The following PIWIL4 variants were observed in gnomAD, a reference collection of about 807,000 sequenced individuals.
The protein encoded by PIWIL4 is piwi like RNA-mediated gene silencing 4.
A neutral mutation model predicts 100.9 loss-of-function variants in PIWIL4; 50 were observed. The ratio of observed to expected loss-of-function variants is 0.50; its 90% CI spans 0.39 to 0.63. The LOEUF is 0.63. PIWIL4 is among the 20% of genes least tolerant of loss of function. The probability of loss-of-function intolerance (pLI) is 0.00; values close to 1 mark genes in which losing one functional copy is unlikely to be tolerated. For missense variants in PIWIL4, 887 were observed against 1,043.3 expected (o/e 0.85, Z 2.06); for synonymous variants, 342 against 367.5 (o/e 0.93, Z 0.79).
chr11:94,569,612 A>G (rs999642206), intron 2 of PIWIL4, among the ~76,000 whole-genome samples: 2 of 152,226 alleles, frequency 1.3e-5, no homozygotes, highest in Non-Finnish European at 2.9e-5. Context: ...TCCTGACCTC[A>G]GGTGATCTGC....
chr11:94,603,850 GTTA>G, intron 12 of PIWIL4, 131 bp from the exon 13 acceptor site: 1 of 574,810 alleles, frequency 1.7e-6, no homozygotes, highest in Non-Finnish European at 3.0e-6. Context: ...GACTCAAAAG[GTTA>G]TTTTCTCTAA....
intron 19 of PIWIL4, 57 bp downstream of exon 19, chr11:94,620,201 A>C (rs1323569736): frequency 6.7e-7 from 1 of 1,490,592 alleles, no homozygotes. Context: ...CCACCTAGGA[A>C]TTATCATACA....
intron 16 of PIWIL4, among the ~76,000 whole-genome samples, chr11:94,617,180 T>G (rs1189179763): frequency 2.0e-5 from 3 of 151,858 alleles, no homozygotes; most frequent in Non-Finnish European, 4.4e-5. Flanking sequence ...AAAATGAATT[T>G]GCTTATACAT....
chr11:94,574,334 GCTGAGGACAGAAGTTA>G (rs771667476), intron 2 of PIWIL4, among the ~76,000 whole-genome samples: 22 of 152,322 alleles, frequency 1.4e-4, no homozygotes, highest in Non-Finnish European at 2.6e-4. Flanking sequence ...GGCAGAAGTT[GCTGAGGACAGAAGTTA>G]GTCTGTAATC....
chr11:94,592,056 T>C (rs1283018347), intron 8 of PIWIL4, among the ~76,000 whole-genome samples: 1 of 152,158 alleles, frequency 6.6e-6, no homozygotes, highest in Non-Finnish European at 1.5e-5. Context: ...GGTCCTCTCT[T>C]GGTCTCCACC....
At chr11:94,601,769 C>G (rs955166763) in intron 11 of PIWIL4, 26 bp from the exon 12 acceptor site, 2 of 1,608,010 alleles carry the variant, frequency 1.2e-6, no homozygotes, top group Non-Finnish European at 1.7e-6. Flanking sequence ...TTTGTTCAAT[C>G]CTTTCATGAT....
At chr11:94,578,544 G>C (rs1402583699) in intron 4 of PIWIL4, among the ~76,000 whole-genome samples, 1 of 152,142 alleles carries the variant, frequency 6.6e-6, no homozygotes, top group Non-Finnish European at 1.5e-5. Flanking sequence ...TTCTTAAGAT[G>C]AGTTATCCAT....
intron 8 of PIWIL4, among the ~76,000 whole-genome samples, chr11:94,591,322 CT>C (rs536919059): frequency 2.6e-5 from 4 of 152,236 alleles, no homozygotes; most frequent in Non-Finnish European, 5.9e-5. Context: ...TCCTTTACCC[CT>C]AGGTCAAATC....
rs937592139 is a variant in PIWIL4 at position 94,607,559 on chromosome 11, A to G, written c.1759A>G (p.Met587Val). 5 of 1,614,052 alleles carry G rather than the reference A, an allele frequency of 3.1e-6. No individual in the cohort carries two copies. The highest frequency in any genetic ancestry group is 1.3e-5 in the African/African-American group (1 of 74,922). Residue 587 changes from methionine (M) to valine (V), a missense_variant, in exon 14 of 20, where the codon ATG (methionine) becomes GTG (valine). Met to Val is a conservative substitution (Grantham distance 21, BLOSUM62 1). This residue lies in a region of PIWIL4 where 741 missense variants were observed against 930.0 expected (regional missense o/e 0.80). Transcript: ENST00000299001. ...VLARTLNKQG[M>V]MMSIATKIAM... ...TGCTCGGACCTTGAATAAACAGGGCATGATGATGAGTATCGCCACCAAGAT... is the reference window on the plus strand; with the variant it reads ...TGCTCGGACCTTGAATAAACAGGGCGTGATGATGAGTATCGCCACCAAGAT...
chr11:94,576,432 C>A (rs1948237888), intron 3 of PIWIL4, among the ~76,000 whole-genome samples: 1 of 152,178 alleles, frequency 6.6e-6, no homozygotes, highest in South Asian at 2.1e-4. Context: ...CCGTGCCCAG[C>A]CTCTATATCA....
chr11:94,576,161 G>A (rs180983786), intron 3 of PIWIL4, among the ~76,000 whole-genome samples: 3 of 152,188 alleles, frequency 2.0e-5, no homozygotes, highest in East Asian at 1.9e-4. Flanking sequence ...TGGAGACAGC[G>A]TCTCACTCTG....
At chr11:94,607,693 A>G (rs776153532) in intron 14 of PIWIL4, 54 bp downstream of exon 14, 1 of 1,501,456 alleles carries the variant, frequency 6.7e-7, no homozygotes, top group Non-Finnish European at 9.1e-7. Context: ...TATTTTAAAG[A>G]TTAAAGTAGG....
intron 15 of PIWIL4, among the ~76,000 whole-genome samples, chr11:94,608,934 T>A (rs189248076): frequency 6.6e-6 from 1 of 152,360 alleles, no homozygotes; most frequent in East Asian, 1.9e-4. Flanking sequence ...AAATGATAGA[T>A]GTGTACAAAT....
At chr11:94,584,592 A>G (rs1948372564) in intron 5 of PIWIL4, among the ~76,000 whole-genome samples, 1 of 152,122 alleles carries the variant, frequency 6.6e-6, no homozygotes, top group South Asian at 2.1e-4. Context: ...TAAAATCCTT[A>G]TTTTTAAGAG....
chr11:94,595,761 GAA>G (rs1258489319), intron 10 of PIWIL4, among the ~76,000 whole-genome samples: 1 of 152,186 alleles, frequency 6.6e-6, no homozygotes, highest in African/African-American at 2.4e-5. Context: ...AAAGCAACCA[GAA>G]AAACACCAGG....
At chr11:94,614,027 G>T (rs1195766391) in intron 15 of PIWIL4, among the ~76,000 whole-genome samples, 2 of 152,114 alleles carry the variant, frequency 1.3e-5, no homozygotes, top group East Asian at 3.9e-4. Flanking sequence ...CTCCCAAAGT[G>T]CTGGGATTAT....
At chr11:94,581,243 C>T (rs967540497) in intron 4 of PIWIL4, among the ~76,000 whole-genome samples, 1 of 152,128 alleles carries the variant, frequency 6.6e-6, no homozygotes, top group African/African-American at 2.4e-5. Context: ...CCTGTCATCA[C>T]CCTTGGGGCC....
At chr11:94,574,235 G>A (rs1948204285) in intron 2 of PIWIL4, among the ~76,000 whole-genome samples, 1 of 152,148 alleles carries the variant, frequency 6.6e-6, no homozygotes, top group South Asian at 2.1e-4. Flanking sequence ...TTATTCTTAG[G>A]GGGAATGACC....
intron 2 of PIWIL4, among the ~76,000 whole-genome samples, chr11:94,570,612 C>T (rs570978697): frequency 2.0e-5 from 3 of 152,036 alleles, no homozygotes; most frequent in Non-Finnish European, 4.4e-5. Context: ...TTAGCCAGGC[C>T]GGGCGTGATG....
Sources: gnomAD v4.1 joint callset for allele counts (sites outside exome capture counted in the v4.1 genomes callset) on GRCh38, gnomAD v4.1.1 for gene constraint, gnomAD v4.1.1 regional missense constraint, MANE v1.5 for transcripts, NCBI Gene and HGNC (gene_info 2026-07-23, HGNC 2026-07-21) for gene names.